Variants in SNTG1 observed in about 807,000 individuals in gnomAD.
SNTG1 encodes gamma-1-syntrophin.
In SNTG1, 39 loss-of-function variants were observed where a neutral mutation model predicts 74.7. That is an observed-to-expected ratio of 0.52 (90% CI 0.40 to 0.68). The LOEUF is 0.68. SNTG1 is among the 30% of genes least tolerant of loss of function. The pLI is 0.00. For missense variants in SNTG1, 685 were observed against 609.5 expected (o/e 1.12, Z -1.30); for synonymous variants, 254 against 217.1 (o/e 1.17, Z -1.49).
intron 1 of SNTG1, among the ~76,000 whole-genome samples, chr8:49,942,833 G>A (rs1197894873): frequency 6.6e-6 from 1 of 152,128 alleles, no homozygotes; most frequent in Non-Finnish European, 1.5e-5. Flanking sequence ...CAGTCACTTG[G>A]CTGGGGTAAT....
intron 13 of SNTG1, among the ~76,000 whole-genome samples, chr8:50,655,092 T>G (rs1447863226): frequency 6.6e-6 from 1 of 152,208 alleles, no homozygotes; most frequent in Non-Finnish European, 1.5e-5. Flanking sequence ...TTTTCCTGGT[T>G]GTCTTTTAAT....
chr8:50,717,340 G>T (rs2095477507), intron 17 of SNTG1, among the ~76,000 whole-genome samples: 1 of 151,800 alleles, frequency 6.6e-6, no homozygotes, highest in Non-Finnish European at 1.5e-5. Context: ...GTTTACCTTT[G>T]CTTAAATTAT....
At chr8:50,716,544 A>C (rs1435850723) in intron 17 of SNTG1, among the ~76,000 whole-genome samples, 1 of 152,070 alleles carries the variant, frequency 6.6e-6, no homozygotes, top group Non-Finnish European at 1.5e-5. Context: ...TGCAAAACGA[A>C]CTCAGACATT....
intron 1 of SNTG1, among the ~76,000 whole-genome samples, chr8:50,112,031 A>T: frequency 6.6e-6 from 1 of 152,276 alleles, no homozygotes; most frequent in East Asian, 1.9e-4. Context: ...ATCAAACTTG[A>T]AAATTTAGTA....
At chr8:50,467,929 G>A (rs2093622265) in intron 8 of SNTG1, among the ~76,000 whole-genome samples, 2 of 151,650 alleles carry the variant, frequency 1.3e-5, no homozygotes, top group South Asian at 4.2e-4. Context: ...CCTCCAAATA[G>A]CTGGGGATTT....
intron 2 of SNTG1, among the ~76,000 whole-genome samples, chr8:50,365,480 C>T (rs2092083021): frequency 6.6e-6 from 1 of 151,766 alleles, no homozygotes; most frequent in African/African-American, 2.4e-5. Flanking sequence ...ATAAACTTTC[C>T]CTTTGAAATT....
chr8:50,686,229 A>T (rs1207484227), intron 15 of SNTG1, among the ~76,000 whole-genome samples: 2 of 152,174 alleles, frequency 1.3e-5, no homozygotes, highest in African/African-American at 4.8e-5. Flanking sequence ...GCCTACACTA[A>T]TTCTTAACGA....
At chr8:50,168,863 C>G (rs1337375319) in intron 1 of SNTG1, among the ~76,000 whole-genome samples, 1 of 152,170 alleles carries the variant, frequency 6.6e-6, no homozygotes, top group Non-Finnish European at 1.5e-5. Context: ...AATTTAACAT[C>G]TTGCATAACT....
At chr8:50,275,141 T>C (rs983231442) in intron 2 of SNTG1, among the ~76,000 whole-genome samples, 1 of 152,182 alleles carries the variant, frequency 6.6e-6, no homozygotes, top group South Asian at 2.1e-4. Context: ...CTTTTCTTCC[T>C]TGACTATATA....
At chr8:50,210,067 A>C (rs753000553) in intron 2 of SNTG1, among the ~76,000 whole-genome samples, 1 of 152,198 alleles carries the variant, frequency 6.6e-6, no homozygotes, top group Non-Finnish European at 1.5e-5. Context: ...TGGCACGAGA[A>C]CTACGTGAAG....
At chr8:50,551,083 A>G (rs1009986639) in intron 11 of SNTG1, among the ~76,000 whole-genome samples, 1 of 152,062 alleles carries the variant, frequency 6.6e-6, no homozygotes, top group Non-Finnish European at 1.5e-5. Context: ...TGTATGGTAA[A>G]TTGTTCTCAC....
intron 1 of SNTG1, among the ~76,000 whole-genome samples, chr8:50,096,496 T>C (rs1407030072): frequency 6.6e-6 from 1 of 152,202 alleles, no homozygotes; most frequent in African/African-American, 2.4e-5. Flanking sequence ...AAATAAAGGC[T>C]TTCCTTGAGT....
At chr8:50,679,254 T>C (rs930187341) in intron 15 of SNTG1, among the ~76,000 whole-genome samples, 1 of 152,094 alleles carries the variant, frequency 6.6e-6, no homozygotes, top group African/African-American at 2.4e-5. Flanking sequence ...TACTTAGTTG[T>C]TGTATGTCTA....
chr8:50,269,285 G>A (rs1281494605), intron 2 of SNTG1, among the ~76,000 whole-genome samples: 1 of 152,092 alleles, frequency 6.6e-6, no homozygotes, highest in Non-Finnish European at 1.5e-5. Flanking sequence ...TTTAGGAAAA[G>A]ACAAACTACA....
chr8:50,102,813 G>A (rs1201752550), intron 1 of SNTG1, among the ~76,000 whole-genome samples: 8 of 150,100 alleles, frequency 5.3e-5, no homozygotes. Flanking sequence ...TTATTAAATA[G>A]GGAATCCTTT....
In SNTG1 at chr8:50,120,687, A is replaced by G. The variant is rs188722285; in HGVS notation, c.-102-51874A>G. Among the ~76,000 whole-genome samples, 13 of 142,386 alleles carry G rather than the reference A, an allele frequency of 9.1e-5. 1 individual carries two copies. The East Asian group carries it at 2.6e-3, about 28-fold the overall frequency. The allele number at this position is 142,386 out of a possible 152,430, so 93.4% of individuals were successfully genotyped here. A position where few individuals can be genotyped will look rare whatever the true frequency, so the allele number is the denominator to read the frequency against. ...TACCGCTGTTATCACCACCAACGCT[A>G]CTAATAGTATTGCAATGAGGTTTCT... On this transcript the variant is annotated intron_variant, in intron 1 of 18. Transcript: ENST00000642720.
intron 1 of SNTG1, among the ~76,000 whole-genome samples, chr8:49,932,442 T>C (rs1451812488): frequency 6.6e-6 from 1 of 152,018 alleles, no homozygotes; most frequent in Non-Finnish European, 1.5e-5. Context: ...TATTAAATAA[T>C]ATTGAACATT....
intron 1 of SNTG1, among the ~76,000 whole-genome samples, chr8:50,145,069 G>A (rs1457643174): frequency 2.0e-5 from 3 of 152,084 alleles, no homozygotes; most frequent in Non-Finnish European, 2.9e-5. Context: ...TGCCCTCCAC[G>A]CCGAGAGGAC....
intron 2 of SNTG1, among the ~76,000 whole-genome samples, chr8:50,258,414 G>A (rs1196370764): frequency 2.0e-5 from 3 of 152,054 alleles, no homozygotes. Context: ...GAGACAAGAA[G>A]GTGTCATCCA....
Sources: allele counts gnomAD v4.1 joint callset (sites outside exome capture counted in the v4.1 genomes callset), GRCh38; gene constraint gnomAD v4.1.1; transcripts MANE v1.5; gene names NCBI Gene and HGNC (gene_info 2026-07-23, HGNC 2026-07-21).